The following MSI2 variants were observed in gnomAD, a reference collection of about 807,000 sequenced individuals.
MSI2 encodes the protein RNA-binding protein Musashi homolog 2.
In MSI2, 17 loss-of-function variants were observed where a neutral mutation model predicts 45.6. That is an observed-to-expected ratio of 0.37 (90% CI 0.26 to 0.56). The LOEUF is 0.56. MSI2 is among the 20% of genes least tolerant of loss of function. The pLI is 0.77. For missense variants in MSI2, 293 were observed against 444.2 expected, an observed-to-expected ratio of 0.66 and a Z score of 3.06; for synonymous variants, 156 against 158.2, an observed-to-expected ratio of 0.99 and a Z score of 0.11.
At chr17:57,441,722 C>T (rs546527487) in intron 6 of MSI2, among the ~76,000 whole-genome samples, 43 of 152,128 alleles carry the variant, frequency 2.8e-4, no homozygotes, top group Non-Finnish European at 5.3e-4. Flanking sequence ...GTTATTTAAA[C>T]TTATGCATGT....
chr17:57,684,098 G>C lies in MSI2; in HGVS notation c.*4581G>C. The C allele has an allele frequency of 4.5e-6, 1 of 222,988 alleles. No homozygotes were observed. The highest frequency in any genetic ancestry group is 9.0e-6 in the Non-Finnish European group (1 of 111,526). The allele number at this position is 222,988 out of a possible 1,614,324, so 13.8% of individuals were successfully genotyped here. A position where few individuals can be genotyped will look rare whatever the true frequency, so the allele number is the denominator to read the frequency against. The stretch of plus-strand genomic sequence containing the variant: ...ACAGGATTTCAGTTCCGGGAGGCAG[G>C]GGCATGATGGGGGAGGGGGCCGGAG... On this transcript the variant is annotated 3_prime_UTR_variant, in exon 14 of 14. Coordinates refer to ENST00000284073, the MANE Select transcript of MSI2 (RefSeq NM_138962.4).
chr17:57,285,161 G>T (rs1490362464), intron 5 of MSI2, among the ~76,000 whole-genome samples: 1 of 152,298 alleles, frequency 6.6e-6, no homozygotes, highest in East Asian at 1.9e-4. Flanking sequence ...GCCCAGTGCG[G>T]AGGGGACCCT....
chr17:57,343,911 G>A (rs1915380552), intron 5 of MSI2, among the ~76,000 whole-genome samples: 1 of 152,158 alleles, frequency 6.6e-6, no homozygotes, highest in African/African-American at 2.4e-5. Context: ...GCCAGAACAC[G>A]ACGTAAGTGT....
chr17:57,424,296 T>A (rs1317765520), intron 6 of MSI2, among the ~76,000 whole-genome samples: 2 of 152,194 alleles, frequency 1.3e-5, no homozygotes, highest in East Asian at 3.8e-4. Context: ...GAGGGAAAAA[T>A]CAGACATACA....
intron 5 of MSI2, among the ~76,000 whole-genome samples, chr17:57,314,010 G>A (rs933600680): frequency 5.3e-5 from 8 of 152,026 alleles, no homozygotes; most frequent in African/African-American, 1.7e-4. Flanking sequence ...TTTGCTTCAC[G>A]GTTCTGGAGG....
intron 7 of MSI2, among the ~76,000 whole-genome samples, chr17:57,539,084 T>C (rs2086984649): frequency 6.6e-6 from 1 of 152,140 alleles, no homozygotes; most frequent in African/African-American, 2.4e-5. Context: ...CATACATACA[T>C]AAAAAAGTGT....
rs114101262 is a variant in MSI2 at position 57,658,179 on chromosome 17, A to G, written c.790+6018A>G. ...GCATCCTCTGGGGGCTGTGGACCCA[A>G]GATGGTCCATTTGTGGGTAAGGTCA... On this transcript the variant is annotated intron_variant, in intron 11 of 13. Coordinates refer to ENST00000284073, the MANE Select transcript of MSI2 (RefSeq NM_138962.4). Among the ~76,000 whole-genome samples the G allele has an allele frequency of 3.0e-3, 451 of 152,318 alleles. 4 individuals carry two copies. Among genetic ancestry groups the G allele is most frequent in the African/African-American group, 1.0e-2 (414 of 41,566 alleles).
At chr17:57,565,574 C>A (rs540557097) in intron 7 of MSI2, among the ~76,000 whole-genome samples, 1 of 152,222 alleles carries the variant, frequency 6.6e-6, no homozygotes, top group Non-Finnish European at 1.5e-5. Flanking sequence ...ACAGCCTTAC[C>A]AGTTTTGTGT....
intron 5 of MSI2, among the ~76,000 whole-genome samples, chr17:57,369,619 G>A (rs894831754): frequency 1.3e-5 from 2 of 152,196 alleles, no homozygotes; most frequent in Admixed American, 6.5e-5. Flanking sequence ...TTAAGAAATC[G>A]TAAAGCTTCT....
intron 5 of MSI2, among the ~76,000 whole-genome samples, chr17:57,366,509 T>C (rs536695901): frequency 6.6e-6 from 1 of 152,256 alleles, no homozygotes; most frequent in Non-Finnish European, 1.5e-5. Context: ...TTTTTATTTT[T>C]ACACATATAG....
In MSI2 at chr17:57,403,570, C is replaced by CA. The variant is rs1273184110; in HGVS notation, c.405+2102dup. On this transcript the variant is annotated intron_variant, in intron 6 of 13. Coordinates refer to ENST00000284073, the MANE Select transcript of MSI2 (RefSeq NM_138962.4). ...CTTATCAAGTGTTTTATTAAAAGAC[C>CA]AAAGAGGCTTTTGAATGTATCAAAG... Among the ~76,000 whole-genome samples, 4 of 152,280 alleles carry CA rather than the reference C, an allele frequency of 2.6e-5. No individual in the cohort carries two copies. The East Asian group carries it at 7.7e-4, about 29-fold the overall frequency.
At chr17:57,666,900 T>C (rs1427068566) in intron 11 of MSI2, among the ~76,000 whole-genome samples, 1 of 152,132 alleles carries the variant, frequency 6.6e-6, no homozygotes, top group Admixed American at 6.5e-5. Context: ...AGTCAATGGA[T>C]CAAAGCAAAG....
At chr17:57,422,517 G>A (rs1035618368) in intron 6 of MSI2, among the ~76,000 whole-genome samples, 3 of 152,176 alleles carry the variant, frequency 2.0e-5, no homozygotes, top group Non-Finnish European at 4.4e-5. Context: ...GTATTCTTTT[G>A]TCTTGTCACA....
intron 5 of MSI2, among the ~76,000 whole-genome samples, chr17:57,334,515 C>T (rs977730676): frequency 5.9e-5 from 9 of 152,246 alleles, no homozygotes; most frequent in East Asian, 5.8e-4. Flanking sequence ...TTCCTCTGGC[C>T]GGGTGCGATG....
chr17:57,270,934 G>A (rs569208368), intron 5 of MSI2, among the ~76,000 whole-genome samples: 77 of 152,292 alleles, frequency 5.1e-4, no homozygotes, highest in Non-Finnish European at 9.8e-4. Flanking sequence ...CCTGGCTCTC[G>A]AGGCGAGATA....
At chr17:57,542,018 T>G (rs1386532183) in intron 7 of MSI2, among the ~76,000 whole-genome samples, 2 of 152,134 alleles carry the variant, frequency 1.3e-5, no homozygotes, top group African/African-American at 2.4e-5. Context: ...CTGGGCTGGT[T>G]CATGGATGAT....
At chr17:57,588,249 C>T (rs1275103263) in intron 7 of MSI2, among the ~76,000 whole-genome samples, 3 of 152,174 alleles carry the variant, frequency 2.0e-5, no homozygotes, top group Non-Finnish European at 2.9e-5. Flanking sequence ...GCCTCCTGAC[C>T]TGGAAGTCTT....
At chr17:57,485,592 T>C (rs961040388) in intron 6 of MSI2, among the ~76,000 whole-genome samples, 2 of 152,090 alleles carry the variant, frequency 1.3e-5, no homozygotes, top group African/African-American at 4.8e-5. Flanking sequence ...GTTGGGGAAA[T>C]GTGGGTTCAA....
chr17:57,674,678 T>C (rs970789556), intron 11 of MSI2, among the ~76,000 whole-genome samples: 1 of 152,148 alleles, frequency 6.6e-6, no homozygotes, highest in Non-Finnish European at 1.5e-5. Context: ...GTGAAGCACC[T>C]CCGGTTGGTT....
Sources: allele counts gnomAD v4.1 joint callset (sites outside exome capture counted in the v4.1 genomes callset), GRCh38; gene constraint gnomAD v4.1.1; transcripts MANE v1.5; gene names NCBI Gene and HGNC (gene_info 2026-07-23, HGNC 2026-07-21).